Variants in NCOA2 observed in about 807,000 individuals in gnomAD.
NCOA2 encodes class E basic helix-loop-helix protein 75.
A neutral mutation model predicts 145.1 loss-of-function variants in NCOA2; 21 were observed. The observed-to-expected ratio is 0.14, with a 90% CI of 0.10 to 0.21. The LOEUF (loss-of-function observed/expected upper bound fraction) is 0.21. Among genes scored for constraint, NCOA2 ranks in the 10% least tolerant of loss-of-function variants. The pLI, the probability that NCOA2 is intolerant of heterozygous loss-of-function variation, is 1.00. For synonymous variants in NCOA2, 619 were observed against 637.5 expected (o/e 0.97, Z 0.44); for missense variants, 1,472 against 1,837.6 (o/e 0.80, Z 3.64).
the NCOA2 span, among the ~76,000 whole-genome samples, chr8:70,436,832 G>A: frequency 6.6e-6 from 1 of 152,166 alleles, no homozygotes; most frequent in Non-Finnish European, 1.5e-5. Context: ...ATAATGAGAC[G>A]ACACAGGTAT....
chr8:70,259,450 T>C (rs1236751903), intron 2 of NCOA2, among the ~76,000 whole-genome samples: 1 of 152,268 alleles, frequency 6.6e-6, no homozygotes, highest in African/African-American at 2.4e-5. Context: ...TTATGATACC[T>C]TGGTACATAA....
the NCOA2 span, among the ~76,000 whole-genome samples, chr8:70,410,162 A>G: frequency 6.6e-6 from 1 of 152,202 alleles, no homozygotes; most frequent in South Asian, 2.1e-4. Context: ...GTGAGATGAG[A>G]TTGTGCCAGT....
Position 70,166,726 on chromosome 8 carries a change from A to G in NCOA2, c.570T>C (p.Pro190=), listed in dbSNP as rs1264507340. The G allele has an allele frequency of 6.2e-7, 1 of 1,613,962 alleles. No individual in the cohort carries two copies. ...IVNGGSWSGE[P]PRRNSHTFNC... Reference sequence around the variant, plus strand: ...TGAAGGTATGGCTGTTCCGCCTCGGAGGTTCGCCAGACCAAGATCCCCCAT... The same window carrying G: ...TGAAGGTATGGCTGTTCCGCCTCGGGGGTTCGCCAGACCAAGATCCCCCAT... The change falls in exon 7 of 23, where the codon CCT becomes CCC. Residue 190 remains proline, a synonymous_variant. Coordinates refer to ENST00000452400, the MANE Select transcript of NCOA2 (RefSeq NM_006540.4).
chr8:70,377,332 A>C (rs979225771), intron 1 of NCOA2, among the ~76,000 whole-genome samples: 3 of 152,028 alleles, frequency 2.0e-5, no homozygotes, highest in African/African-American at 7.2e-5. Flanking sequence ...AAAAACTCTT[A>C]ACAATTCTAA....
At chr8:70,262,776 G>A (rs189838649) in intron 2 of NCOA2, among the ~76,000 whole-genome samples, 2 of 152,236 alleles carry the variant, frequency 1.3e-5, no homozygotes, top group Non-Finnish European at 2.9e-5. Context: ...TATCTTTAGG[G>A]AAGTGAAGTA....
At chr8:70,239,066 C>G (rs1351161611) in intron 2 of NCOA2, among the ~76,000 whole-genome samples, 10 of 152,148 alleles carry the variant, frequency 6.6e-5, no homozygotes, top group Admixed American at 6.6e-4. Context: ...ACATCCACTA[C>G]CTTGCCTTTT....
intron 10 of NCOA2, among the ~76,000 whole-genome samples, chr8:70,157,524 C>A (rs1339596514): frequency 1.3e-5 from 2 of 152,160 alleles, no homozygotes; most frequent in African/African-American, 4.8e-5. Flanking sequence ...ATTTACTAGA[C>A]AAGACATTAA....
the NCOA2 span, among the ~76,000 whole-genome samples, chr8:70,435,132 G>T: frequency 1.3e-5 from 2 of 152,022 alleles, no homozygotes; most frequent in African/African-American, 2.4e-5. Flanking sequence ...CTCTCATTAA[G>T]AATACACACT....
At chr8:70,363,456 G>A (rs1810402142) in intron 1 of NCOA2, among the ~76,000 whole-genome samples, 2 of 151,360 alleles carry the variant, frequency 1.3e-5, no homozygotes, top group South Asian at 2.1e-4. Context: ...ATTTACCTAT[G>A]TGAAATAAAA....
At position 70,170,247 on chromosome 8, in the gene NCOA2, C is replaced by T. The variant is rs746866465; in HGVS notation, c.496G>A (p.Gly166Arg). The change falls in exon 6 of 23, where the codon GGG (glycine) becomes AGG (arginine). Residue 166 changes from glycine (G) to arginine (R), a missense_variant. Physicochemically the swap from Gly to Arg is moderately radical, Grantham distance 125. Around this residue, in one of 4 missense-constraint regions of NCOA2, gnomAD observed 284 missense variants for 467.8 expected, o/e 0.61. Coordinates refer to ENST00000452400, the MANE Select transcript of NCOA2 (RefSeq NM_006540.4). ...TTTTTGACAAATTCCGTGTGGTCCCCAACATGCAAGATGCTATATACACTT... is the reference window on the plus strand; with the variant it reads ...TTTTTGACAAATTCCGTGTGGTCCCTAACATGCAAGATGCTATATACACTT... ...NKSVYSILHV[G>R]DHTEFVKNLL... 1 of 1,613,244 alleles carries T rather than the reference C, an allele frequency of 6.2e-7. No individual in the cohort carries two copies. The highest frequency in any genetic ancestry group is 2.2e-5 in the East Asian group (1 of 44,854).
chr8:70,405,437 G>GTTTTTTTTT (rs34814735), upstream of NCOA2, among the ~76,000 whole-genome samples: 133 of 59,392 alleles, frequency 2.2e-3, 17 homozygotes, highest in East Asian at 0.012. Context: ...ATTTTTAAAG[G>GTTTTTTTTT]TTTTTTTTTT....
Position 70,121,298 on chromosome 8 carries a change from T to C in NCOA2, c.4383+4A>G, listed in dbSNP as rs1249873676. ...TATTCATATATTTCACTGTTCTTTCTTACCCGTGTTGTGTCTCCCTCCTGC... is the reference window on the plus strand; with the variant it reads ...TATTCATATATTTCACTGTTCTTTCCTACCCGTGTTGTGTCTCCCTCCTGC... On this transcript the variant is annotated splice_donor_region_variant and intron_variant, in intron 22 of 22. Transcript: ENST00000452400. 6.2e-7 allele frequency: 1 copy of C among 1,610,586 alleles called. No individual in the cohort carries two copies. The highest frequency in any genetic ancestry group is 1.1e-5 in the South Asian group (1 of 90,332).
rs116659829 is a variant in NCOA2, at chr8:70,266,937, G to T, written c.-20+29807C>A. The stretch of plus-strand genomic sequence containing the variant: ...TTCATTTATTCCACAGGGCAATAAC[G>T]TAGTACTTTGTGTTTAGGGTTCAAC... On this transcript the variant is annotated intron_variant, in intron 2 of 22. Transcript: ENST00000452400. Among the ~76,000 whole-genome samples the T allele has an allele frequency of 9.3e-3, 1,418 of 152,280 alleles. 22 individuals carry two copies. Among genetic ancestry groups the T allele is most frequent in the African/African-American group, 0.032 (1,321 of 41,558 alleles).
At chr8:70,162,943 C>T (rs1274089990) in intron 8 of NCOA2, 89 bp from the exon 9 acceptor site, 44 of 1,161,120 alleles carry the variant, frequency 3.8e-5, no homozygotes, top group Non-Finnish European at 4.5e-5. Flanking sequence ...GAGACAGAGT[C>T]TCACTCTATC....
intron 1 of NCOA2, among the ~76,000 whole-genome samples, chr8:70,354,084 T>C (rs1043571823): frequency 2.0e-5 from 3 of 152,134 alleles, no homozygotes; most frequent in African/African-American, 7.2e-5. Flanking sequence ...ATCTACCTTC[T>C]CCCAAGGGTA....
At chr8:70,389,555 C>T (rs574737111) in intron 1 of NCOA2, among the ~76,000 whole-genome samples, 2 of 152,152 alleles carry the variant, frequency 1.3e-5, no homozygotes, top group East Asian at 3.9e-4. Context: ...GCTGGGATTA[C>T]AGGCATGAGC....
chr8:70,182,325 A>G (rs754915344), intron 4 of NCOA2, among the ~76,000 whole-genome samples: 1 of 152,196 alleles, frequency 6.6e-6, no homozygotes, highest in Non-Finnish European at 1.5e-5. Flanking sequence ...AACCAATCTG[A>G]AGGCCATCTC....
chr8:70,257,465 C>T (rs1222788166), intron 2 of NCOA2, among the ~76,000 whole-genome samples: 6 of 152,042 alleles, frequency 3.9e-5, no homozygotes, highest in Non-Finnish European at 8.8e-5. Context: ...AGACAATAAA[C>T]AAGATAAATA....
At position 70,398,197 on chromosome 8, in the gene NCOA2, C is replaced by T. The variant is rs11996858; in HGVS notation, c.-77+5503G>A. On this transcript the variant is annotated intron_variant, in intron 1 of 22. Transcript: ENST00000452400. Reference sequence around the variant, plus strand: ...TGATGGCCAGGTACGGTGGCTAATGCTTTTAATCCCAGCACTTTGGGAAGC... The same window carrying T: ...TGATGGCCAGGTACGGTGGCTAATGTTTTTAATCCCAGCACTTTGGGAAGC... Among the ~76,000 whole-genome samples the T allele has an allele frequency of 9.4e-3, 1,436 of 152,312 alleles. 22 individuals are homozygous for T. Among genetic ancestry groups the T allele is most frequent in the African/African-American group, 0.032 (1,339 of 41,564 alleles).
Sources: allele counts gnomAD v4.1 joint callset (sites outside exome capture counted in the v4.1 genomes callset), GRCh38; gene constraint gnomAD v4.1.1; regional missense constraint gnomAD v4.1.1; transcripts MANE v1.5; gene names NCBI Gene and HGNC (gene_info 2026-07-23, HGNC 2026-07-21).